Variants in FRAS1 observed in about 807,000 individuals in gnomAD.
FRAS1 encodes the protein extracellular matrix organizing protein FRAS1.
In FRAS1, 290 loss-of-function variants were observed where a neutral mutation model predicts 435.2. The ratio of observed to expected loss-of-function variants is 0.67; its 90% CI spans 0.61 to 0.73. FRAS1 has a LOEUF of 0.73. FRAS1 is among the 30% of genes least tolerant of loss of function. The pLI, the probability that FRAS1 is intolerant of heterozygous loss-of-function variation, is 0.00. For synonymous variants in FRAS1, 1,800 were observed against 1,851.0 expected (o/e 0.97, Z 0.71); for missense variants, 4,860 against 5,001.5 (o/e 0.97, Z 0.85).
chr4:78,462,056 G>T (rs1407446695), intron 47 of FRAS1, among the ~76,000 whole-genome samples: 2 of 152,130 alleles, frequency 1.3e-5, no homozygotes, highest in African/African-American at 4.8e-5. Context: ...GTTTCTGGGT[G>T]TACCAAAGCT....
intron 2 of FRAS1, among the ~76,000 whole-genome samples, chr4:78,234,392 A>AT (rs1256682767): frequency 1.3e-5 from 2 of 151,812 alleles, no homozygotes; most frequent in Non-Finnish European, 2.9e-5. Flanking sequence ...CGCCCGGCTA[A>AT]TTTTTTGTAT....
intron 4 of FRAS1, among the ~76,000 whole-genome samples, chr4:78,249,433 G>A (rs1188556694): frequency 7.2e-6 from 1 of 138,262 alleles, no homozygotes; most frequent in Admixed American, 8.3e-5. Flanking sequence ...AGTGATTCTC[G>A]TGCCTCAGCC....
chr4:78,212,995 G>C (rs1413317951), intron 2 of FRAS1, among the ~76,000 whole-genome samples: 1 of 152,188 alleles, frequency 6.6e-6, no homozygotes, highest in Non-Finnish European at 1.5e-5. Context: ...CGTGCATCTA[G>C]GCAAGGGAGC....
intron 30 of FRAS1, among the ~76,000 whole-genome samples, chr4:78,406,841 T>G (rs1485345256): frequency 6.6e-6 from 1 of 152,186 alleles, no homozygotes; most frequent in Non-Finnish European, 1.5e-5. Flanking sequence ...CACTGTTAGC[T>G]ATTACAAGTT....
At chr4:78,274,537 A>G (rs2110167869) in intron 9 of FRAS1, among the ~76,000 whole-genome samples, 1 of 152,262 alleles carries the variant, frequency 6.6e-6, no homozygotes, top group East Asian at 1.9e-4. Flanking sequence ...TTGGTTTCGA[A>G]GAACATCTTT....
In FRAS1 at chr4:78,127,035, T is replaced by C. The variant is rs139986305; in HGVS notation, c.108+61019T>C. Among the ~76,000 whole-genome samples the C allele has an allele frequency of 1.4e-4, 22 of 152,284 alleles. No homozygotes were observed. The South Asian group carries it at 2.3e-3, about 16-fold the overall frequency. On this transcript the variant is annotated intron_variant, in intron 2 of 73. Transcript: ENST00000512123. Reference sequence around the variant, plus strand: ...TTGTACTAGGCACCAGGATAGAACTTTGATGCTCTTGTTCTTTAGTCTAGT... The same window carrying C: ...TTGTACTAGGCACCAGGATAGAACTCTGATGCTCTTGTTCTTTAGTCTAGT...
At chr4:78,253,201 G>C (rs1725627601) in intron 5 of FRAS1, among the ~76,000 whole-genome samples, 1 of 152,174 alleles carries the variant, frequency 6.6e-6, no homozygotes, top group African/African-American at 2.4e-5. Context: ...TTTATAGGCT[G>C]TCTGCAAGAA....
At chr4:78,114,012 G>A (rs1742947309) in intron 2 of FRAS1, among the ~76,000 whole-genome samples, 1 of 152,180 alleles carries the variant, frequency 6.6e-6, no homozygotes, top group Admixed American at 6.5e-5. Flanking sequence ...TGTATAAGGT[G>A]TAAGGAAGGG....
At chr4:78,399,270 G>A (rs1333293231) in intron 29 of FRAS1, among the ~76,000 whole-genome samples, 1 of 152,182 alleles carries the variant, frequency 6.6e-6, no homozygotes, top group Non-Finnish European at 1.5e-5. Context: ...CTCCTGAGAG[G>A]TGAGATGCTC....
intron 2 of FRAS1, among the ~76,000 whole-genome samples, chr4:78,115,471 G>T (rs1335473951): frequency 6.6e-6 from 1 of 152,020 alleles, no homozygotes; most frequent in Non-Finnish European, 1.5e-5. Context: ...GACTTTTTTT[G>T]GTTGGTAAGC....
At chr4:78,093,966 C>T (rs1741656715) in intron 2 of FRAS1, among the ~76,000 whole-genome samples, 1 of 152,046 alleles carries the variant, frequency 6.6e-6, no homozygotes, top group Non-Finnish European at 1.5e-5. Context: ...ATGAAGCTCA[C>T]CCCCCTCCCC....
chr4:78,167,771 A>G (rs908364846), intron 2 of FRAS1, among the ~76,000 whole-genome samples: 4 of 152,108 alleles, frequency 2.6e-5, no homozygotes, highest in Non-Finnish European at 1.5e-5. Flanking sequence ...CTATGCTGTT[A>G]ACCACCATGC....
intron 22 of FRAS1, among the ~76,000 whole-genome samples, chr4:78,367,722 G>A (rs1164637749): frequency 2.0e-5 from 3 of 151,892 alleles, no homozygotes; most frequent in Admixed American, 6.6e-5. Context: ...ACATAAATGC[G>A]GGACTTTTCT....
At chr4:78,367,396 T>G in intron 22 of FRAS1, among the ~76,000 whole-genome samples, 1 of 136,878 alleles carries the variant, frequency 7.3e-6, no homozygotes, top group African/African-American at 2.8e-5. Flanking sequence ...GGTGACAGAG[T>G]GAGAACTGTC....
intron 2 of FRAS1, among the ~76,000 whole-genome samples, chr4:78,185,167 C>A (rs1228013655): frequency 6.6e-6 from 1 of 152,168 alleles, no homozygotes; most frequent in African/African-American, 2.4e-5. Flanking sequence ...GTCAGTTGAT[C>A]AAAAATTATT....
intron 69 of FRAS1, among the ~76,000 whole-genome samples, chr4:78,523,263 A>C (rs138912626): frequency 6.6e-6 from 1 of 152,202 alleles, no homozygotes; most frequent in Non-Finnish European, 1.5e-5. Context: ...GAACTTAGTC[A>C]CATGGCACAC....
At chr4:78,267,656 A>C (rs1234772599) in intron 9 of FRAS1, among the ~76,000 whole-genome samples, 1 of 152,240 alleles carries the variant, frequency 6.6e-6, no homozygotes, top group Non-Finnish European at 1.5e-5. Context: ...CTCTCAGTAC[A>C]TCTGGTCAAA....
chr4:78,101,114 A>AT (rs11286336), intron 2 of FRAS1, among the ~76,000 whole-genome samples: 2,924 of 150,458 alleles, frequency 0.019, 97 homozygotes, highest in African/African-American at 0.066. Context: ...GAATAACTCG[A>AT]TTTTTTTTTT....
chr4:78,341,281 C>A (rs563186544), intron 20 of FRAS1, among the ~76,000 whole-genome samples: 1 of 152,096 alleles, frequency 6.6e-6, no homozygotes. Flanking sequence ...AGAGTTGAGT[C>A]CTGTGACAGT....
Sources: allele counts gnomAD v4.1 joint callset (sites outside exome capture counted in the v4.1 genomes callset), GRCh38; gene constraint gnomAD v4.1.1; transcripts MANE v1.5; gene names NCBI Gene and HGNC (gene_info 2026-07-23, HGNC 2026-07-21).